SEMA3A: variants seen among roughly 807,000 people sequenced by gnomAD.
The protein encoded by SEMA3A is semaphorin 3A.
In SEMA3A, 29 loss-of-function variants were observed where a neutral mutation model predicts 97.9. That is an observed-to-expected ratio of 0.30 (90% confidence interval 0.22 to 0.40). The LOEUF is 0.40. SEMA3A is among the 10% of genes least tolerant of loss of function. The pLI is 1.00. For missense variants in SEMA3A, 763 were observed against 951.3 expected (o/e 0.80, Z 2.60); for synonymous variants, 321 against 323.7 (o/e 0.99, Z 0.09).
intron 1 of SEMA3A, among the ~76,000 whole-genome samples, chr7:84,154,475 A>G (rs952789834): frequency 5.9e-5 from 9 of 152,068 alleles, no homozygotes; most frequent in African/African-American, 1.9e-4. Context: ...CAGGAGTTCG[A>G]GACCAGCCTG....
chr7:83,961,376 C>G lies in SEMA3A; in HGVS notation c.2311G>C (p.Val771Leu). 1 of 1,613,564 alleles carries G rather than the reference C, an allele frequency of 6.2e-7. No homozygotes were observed. The change falls in exon 17 of 17, where the codon GTC (valine) becomes CTC (leucine). Residue 771 changes from valine (V) to leucine (L), a missense_variant. Coordinates refer to ENST00000265362, the MANE Select transcript of SEMA3A (RefSeq NM_006080.3). ...GTTTCTAGAGGTAATGCAGCTCAGA[C>G]ACTCCTGGGTGCCCTCTCAAATTCG... ...THEFERAPRS[V>L]
chr7:84,067,218 T>C (rs1190608185), intron 4 of SEMA3A, among the ~76,000 whole-genome samples: 2 of 152,062 alleles, frequency 1.3e-5, no homozygotes, highest in Non-Finnish European at 2.9e-5. Context: ...TGGCTAGCCA[T>C]ATGTAGAAAG....
intron 1 of SEMA3A, among the ~76,000 whole-genome samples, chr7:84,399,986 G>T (rs1006093932): frequency 6.6e-6 from 1 of 152,166 alleles, no homozygotes; most frequent in African/African-American, 2.4e-5. Context: ...CTTTCCCTGG[G>T]AACCTAGGGA....
At chr7:84,415,744 G>T (rs1462853623) in intron 1 of SEMA3A, among the ~76,000 whole-genome samples, 1 of 151,844 alleles carries the variant, frequency 6.6e-6, no homozygotes, top group South Asian at 2.1e-4. Context: ...ATATTTTAAG[G>T]TGATATCAAT....
intron 1 of SEMA3A, among the ~76,000 whole-genome samples, chr7:84,142,049 A>G (rs190108879): frequency 6.6e-6 from 1 of 152,232 alleles, no homozygotes; most frequent in African/African-American, 2.4e-5. Flanking sequence ...GAGACACTAT[A>G]TTTTTCCTCA....
At chr7:84,052,333 T>C (rs1318971238) in intron 5 of SEMA3A, among the ~76,000 whole-genome samples, 3 of 152,204 alleles carry the variant, frequency 2.0e-5, no homozygotes, top group Admixed American at 6.5e-5. Context: ...TGTGAATCCA[T>C]CTAGTCCTGC....
At chr7:84,304,216 T>A (rs1376876888) in intron 3 of SEMA3A, among the ~76,000 whole-genome samples, 1 of 152,138 alleles carries the variant, frequency 6.6e-6, no homozygotes, top group Non-Finnish European at 1.5e-5. Context: ...CAAAATAGAT[T>A]CATAACATGA....
chr7:83,977,772 A>AT (rs1377852163), intron 14 of SEMA3A, among the ~76,000 whole-genome samples: 7 of 143,776 alleles, frequency 4.9e-5, no homozygotes, highest in African/African-American at 1.5e-4. Context: ...TTTCTTGGTT[A>AT]TTGTATCAAC....
At chr7:84,417,006 T>G (rs978588580) in intron 1 of SEMA3A, among the ~76,000 whole-genome samples, 2 of 151,996 alleles carry the variant, frequency 1.3e-5, no homozygotes, top group Admixed American at 1.3e-4. Flanking sequence ...TTTAAAAACT[T>G]TTTTTAAACT....
At chr7:84,481,638 C>T (rs1429005727) in intron 1 of SEMA3A, among the ~76,000 whole-genome samples, 1 of 152,006 alleles carries the variant, frequency 6.6e-6, no homozygotes, top group Non-Finnish European at 1.5e-5. Context: ...TTTCTTATTA[C>T]ACATAATTCA....
At chr7:84,460,793 T>C (rs1483293882) in intron 1 of SEMA3A, among the ~76,000 whole-genome samples, 1 of 152,196 alleles carries the variant, frequency 6.6e-6, no homozygotes, top group Admixed American at 6.5e-5. Context: ...ACAAGGAAGC[T>C]GAGGCTCAAA....
Position 84,445,493 on chromosome 7 carries a change from C to CA in SEMA3A, c.-246+46966dup, listed in dbSNP as rs61298477. Among the ~76,000 whole-genome samples the CA allele has an allele frequency of 1.0e-3, 28 of 27,580 alleles. 6 individuals carry two copies. Among genetic ancestry groups the CA allele is most frequent in the Non-Finnish European group, 1.9e-3 (24 of 12,678 alleles). The allele number at this position is 27,580 out of a possible 152,430, so 18.1% of individuals were successfully genotyped here. On this transcript the variant is annotated intron_variant, in intron 1 of 3. Transcript: ENST00000424555. ...TGGGCGACAGAGTGAGACTCCATCT[C>CA]AAAAAAAAAAAAAAAAAAAAAAAAA... is the stretch of plus-strand genomic sequence containing the variant.
chr7:84,162,591 T>A (rs2078149), intron 1 of SEMA3A, among the ~76,000 whole-genome samples: 13,364 of 92,618 alleles, frequency 0.14, 1,373 homozygotes, highest in African/African-American at 0.29. Context: ...CAATTTTTTT[T>A]TAAAAAAAAA....
At chr7:84,163,722 TTA>T (rs531274431) in intron 1 of SEMA3A, among the ~76,000 whole-genome samples, 287 of 152,306 alleles carry the variant, frequency 1.9e-3, no homozygotes, top group African/African-American at 6.7e-3. Context: ...GGGAGAAATC[TTA>T]TATGTAAATT....
intron 1 of SEMA3A, among the ~76,000 whole-genome samples, chr7:84,473,249 T>C (rs1806199555): frequency 6.6e-6 from 1 of 151,482 alleles, no homozygotes; most frequent in African/African-American, 2.4e-5. Flanking sequence ...AATTTTTGTG[T>C]TTAGTCACTT....
At position 84,424,613 on chromosome 7, in the gene SEMA3A, ATATAATATATAATAT is replaced by A. The variant is rs1562942718; in HGVS notation, c.-245-52728_-245-52714del. 6.8e-3 allele frequency among the ~76,000 whole-genome samples: 173 copies of A among 25,534 alleles called. 1 individual carries two copies. The highest frequency in any genetic ancestry group is 0.034 in the African/African-American group (159 of 4,634). 16.8% of individuals were successfully genotyped at this position (25,534 alleles called of 152,430 possible). On this transcript the variant is annotated intron_variant, in intron 1 of 3. Coordinates refer to the SEMA3A transcript ENST00000424555. ...TATAATATATAAATATTAATATATA[ATATAATATATAATAT>A]ATATACAATATATATTATATTTATA...
chr7:84,352,336 G>A (rs1802457395), intron 2 of SEMA3A, among the ~76,000 whole-genome samples: 1 of 150,760 alleles, frequency 6.6e-6, no homozygotes, highest in Admixed American at 6.7e-5. Flanking sequence ...GAGTGATTAT[G>A]GTCAAATATA....
intron 3 of SEMA3A, among the ~76,000 whole-genome samples, chr7:84,111,850 T>G (rs896362075): frequency 2.0e-5 from 3 of 152,192 alleles, no homozygotes; most frequent in South Asian, 4.1e-4. Flanking sequence ...GAGGAAAAAT[T>G]TCCTAGCTTA....
At chr7:84,179,946 A>G (rs929337260) in intron 1 of SEMA3A, among the ~76,000 whole-genome samples, 8 of 141,568 alleles carry the variant, frequency 5.7e-5, no homozygotes, top group African/African-American at 1.9e-4. Context: ...TAGTCAATGC[A>G]TCTCTGCTTG....
Sources: allele counts gnomAD v4.1 joint callset (sites outside exome capture counted in the v4.1 genomes callset), GRCh38; gene constraint gnomAD v4.1.1; transcripts MANE v1.5; gene names NCBI Gene and HGNC (gene_info 2026-07-23, HGNC 2026-07-21).